The following PEX7 variants were observed in gnomAD, a reference collection of about 807,000 sequenced individuals.
The protein encoded by PEX7 is PTS2 receptor.
A neutral mutation model predicts 47.5 loss-of-function variants in PEX7; 34 were observed. The observed-to-expected ratio is 0.72, with a 90% CI of 0.54 to 0.95. The LOEUF is 0.95. Among genes scored for constraint, PEX7 ranks in the 40% least tolerant of loss-of-function variants. The pLI is 0.00. For synonymous variants in PEX7, 141 were observed against 148.8 expected, an observed-to-expected ratio of 0.95 and a Z score of 0.38; for missense variants, 394 against 400.3, an observed-to-expected ratio of 0.98 and a Z score of 0.13.
At chr6:136,837,812 C>CCACACACACACACA (rs34680868) in intron 3 of PEX7, among the ~76,000 whole-genome samples, 102 of 146,812 alleles carry the variant, frequency 6.9e-4, no homozygotes, top group African/African-American at 2.4e-3. Flanking sequence ...AATTTAAACG[C>CCACACACACACACA]CACACACACA....
At chr6:136,882,105 A>G (rs1775385202) in intron 8 of PEX7, among the ~76,000 whole-genome samples, 1 of 152,110 alleles carries the variant, frequency 6.6e-6, no homozygotes, top group South Asian at 2.1e-4. Context: ...GGTGATTACA[A>G]GAAATATATG....
At chr6:136,838,171 A>G in intron 3 of PEX7, among the ~76,000 whole-genome samples, 1 of 152,200 alleles carries the variant, frequency 6.6e-6, no homozygotes, top group Non-Finnish European at 1.5e-5. Context: ...TTAAGATTGA[A>G]ACATTCTGTG....
chr6:136,835,177 A>C (rs1158359545), intron 3 of PEX7, among the ~76,000 whole-genome samples: 2 of 151,980 alleles, frequency 1.3e-5, no homozygotes, highest in African/African-American at 4.8e-5. Flanking sequence ...TGGCCGCCTC[A>C]GCCTCCCAAA....
chr6:136,829,024 A>T (rs963378725), intron 3 of PEX7, among the ~76,000 whole-genome samples: 39 of 152,290 alleles, frequency 2.6e-4, no homozygotes, highest in African/African-American at 8.2e-4. Context: ...CTTTTTGGTA[A>T]GCGTTTGTAT....
At chr6:136,860,028 GA>G (rs940078866) in intron 5 of PEX7, among the ~76,000 whole-genome samples, 3 of 149,128 alleles carry the variant, frequency 2.0e-5, no homozygotes, top group Non-Finnish European at 3.0e-5. Context: ...AAAAAAAAAA[GA>G]AAAAAAAATT....
At chr6:136,907,646 A>G (rs746645234) in intron 9 of PEX7, among the ~76,000 whole-genome samples, 12 of 152,190 alleles carry the variant, frequency 7.9e-5, no homozygotes, top group Admixed American at 2.0e-4. Flanking sequence ...ATAATGATAA[A>G]TAGGAAATGG....
At chr6:136,887,390 C>T (rs1357002381) in intron 8 of PEX7, among the ~76,000 whole-genome samples, 1 of 152,060 alleles carries the variant, frequency 6.6e-6, no homozygotes, top group Non-Finnish European at 1.5e-5. Flanking sequence ...ATATGCAAGG[C>T]TGTTCCCACA....
At chr6:136,855,777 C>G in intron 5 of PEX7, 1 of 376,640 alleles carries the variant, frequency 2.7e-6, no homozygotes, top group East Asian at 9.0e-5. Flanking sequence ...TTCGTTTGCC[C>G]CACTGGAATG....
intron 8 of PEX7, among the ~76,000 whole-genome samples, chr6:136,892,051 T>A (rs1775564762): frequency 6.6e-6 from 1 of 152,106 alleles, no homozygotes; most frequent in African/African-American, 2.4e-5. Flanking sequence ...GAAAGAGAGT[T>A]GAGTGATACA....
At chr6:136,835,294 C>CTT (rs879819248) in intron 3 of PEX7, among the ~76,000 whole-genome samples, 4 of 133,770 alleles carry the variant, frequency 3.0e-5, no homozygotes, top group African/African-American at 5.5e-5. Flanking sequence ...ATTTTTTTTT[C>CTT]TTTTTTTTTT....
intron 1 of PEX7, 81 bp downstream of exon 1, chr6:136,822,876 G>A: frequency 7.3e-6 from 9 of 1,225,206 alleles, no homozygotes; most frequent in Non-Finnish European, 9.1e-6. Flanking sequence ...TCGCGCTCGA[G>A]GGAAAGCCCC....
At chr6:136,861,956 A>G (rs1427847822) in intron 5 of PEX7, among the ~76,000 whole-genome samples, 1 of 143,728 alleles carries the variant, frequency 7.0e-6, no homozygotes, top group East Asian at 2.0e-4. Context: ...TTATACACTG[A>G]AGGCTGGAGA....
chr6:136,866,553 T>C (rs904349939), intron 5 of PEX7, 74 bp from the exon 6 acceptor site: 6 of 1,239,348 alleles, frequency 4.8e-6, no homozygotes, highest in African/African-American at 1.5e-5. Context: ...ACTTGACTTA[T>C]TATTGTGAAC....
intron 9 of PEX7, chr6:136,901,071 C>A: frequency 1.1e-5 from 2 of 181,856 alleles, no homozygotes; most frequent in South Asian, 2.7e-4. Context: ...GGCCTTTACT[C>A]AACAGGGGAT....
chr6:136,876,567 C>G (rs1359215020), intron 8 of PEX7, among the ~76,000 whole-genome samples: 1 of 152,132 alleles, frequency 6.6e-6, no homozygotes, highest in African/African-American at 2.4e-5. Flanking sequence ...TCAACTCCCA[C>G]TTATGAGTGA....
intron 8 of PEX7, among the ~76,000 whole-genome samples, chr6:136,886,399 C>T (rs1237594292): frequency 2.0e-5 from 3 of 152,154 alleles, no homozygotes; most frequent in Non-Finnish European, 4.4e-5. Context: ...ATACTGTGAT[C>T]TACCTTGCTG....
chr6:136,832,159 C>T (rs906271010), intron 3 of PEX7, among the ~76,000 whole-genome samples: 33 of 152,266 alleles, frequency 2.2e-4, no homozygotes, highest in African/African-American at 8.0e-4. Flanking sequence ...GGAGGTTAAA[C>T]TCTTGTCTTC....
At chr6:136,885,790 A>G (rs1342644) in intron 8 of PEX7, among the ~76,000 whole-genome samples, 61,729 of 151,988 alleles carry the variant, frequency 0.41, 13,318 homozygotes, top group South Asian at 0.52. Flanking sequence ...TAGAGTAATT[A>G]TGGGTTGGCA....
rs531809734 is a variant in PEX7 at position 136,877,130 on chromosome 6, A to G, written c.803+4877A>G. On this transcript the variant is annotated intron_variant, in intron 8 of 9. Transcript: ENST00000318471. ...TTTCATATGTTTGTTGGCCACATTA[A>G]TATCTTCTTTTGAGAAGTGACTGTT... Among the ~76,000 whole-genome samples the G allele has an allele frequency of 1.1e-4, 16 of 151,170 alleles. No individual in the cohort carries two copies. The South Asian group carries it at 2.7e-3, about 26-fold the overall frequency.
Sources: gnomAD v4.1 joint callset for allele counts (sites outside exome capture counted in the v4.1 genomes callset) on GRCh38, gnomAD v4.1.1 for gene constraint, MANE v1.5 for transcripts, NCBI Gene and HGNC (gene_info 2026-07-23, HGNC 2026-07-21) for gene names.